TRPM6: variants seen among roughly 807,000 people sequenced by gnomAD.
TRPM6 encodes the protein channel kinase 2.
Under a neutral mutation model 247.6 loss-of-function variants are expected in TRPM6, and 111 were observed. The observed-to-expected ratio is 0.45, with a 90% confidence interval of 0.38 to 0.52. The LOEUF (loss-of-function observed/expected upper bound fraction) is 0.52. Ranked by LOEUF, TRPM6 falls within the 20% of genes least tolerant of loss-of-function variation. TRPM6 has a pLI of 0.00. For synonymous variants in TRPM6, 892 were observed against 853.8 expected (o/e 1.04, Z -0.78); for missense variants, 2,126 against 2,421.5 (o/e 0.88, Z 2.56).
intron 7 of TRPM6, among the ~76,000 whole-genome samples, chr9:74,823,184 G>A (rs972413448): frequency 2.0e-5 from 3 of 152,124 alleles, no homozygotes; most frequent in African/African-American, 4.8e-5. Context: ...TTTCAGGGGC[G>A]CACACTGGCC....
chr9:74,822,276 G>A (rs192452812), intron 7 of TRPM6, among the ~76,000 whole-genome samples: 30 of 152,222 alleles, frequency 2.0e-4, no homozygotes, highest in Admixed American at 1.9e-3. Flanking sequence ...ATAAGACAAG[G>A]TCTCACTCTG....
At chr9:74,789,788 C>T (rs1039161319) in intron 19 of TRPM6, among the ~76,000 whole-genome samples, 1 of 151,802 alleles carries the variant, frequency 6.6e-6, no homozygotes, top group Non-Finnish European at 1.5e-5. Flanking sequence ...GGTGAAACCC[C>T]GTCTCTACTA....
chr9:74,880,953 T>C (rs1831342072), intron 1 of TRPM6, among the ~76,000 whole-genome samples: 1 of 152,130 alleles, frequency 6.6e-6, no homozygotes, highest in African/African-American at 2.4e-5. Flanking sequence ...CTAAATGGAT[T>C]AAATTTTCTA....
At chr9:74,881,852 A>G (rs1287652609) in intron 1 of TRPM6, among the ~76,000 whole-genome samples, 6 of 152,212 alleles carry the variant, frequency 3.9e-5, no homozygotes, top group Non-Finnish European at 8.8e-5. Context: ...GTATAAAAAG[A>G]CACATAGACC....
intron 16 of TRPM6, 118 bp from the exon 17 acceptor site, chr9:74,800,600 C>T: frequency 1.5e-6 from 1 of 686,988 alleles, no homozygotes; most frequent in South Asian, 1.5e-5. Context: ...CAGAAAATAT[C>T]AATTCATAAG....
intron 20 of TRPM6, among the ~76,000 whole-genome samples, chr9:74,787,876 C>T (rs138818718): frequency 0.012 from 1,803 of 152,096 alleles, 31 homozygotes; most frequent in African/African-American, 0.04. Context: ...CCACCATGCC[C>T]GGCTAATTTT....
At chr9:74,801,791 G>T in intron 16 of TRPM6, 107 bp downstream of exon 16, 1 of 1,378,154 alleles carries the variant, frequency 7.3e-7, no homozygotes. Context: ...TAAAATGCAT[G>T]GCGGTAAGTC....
chr9:74,731,597 T>G (rs1024966563), intron 37 of TRPM6, among the ~76,000 whole-genome samples: 3 of 151,474 alleles, frequency 2.0e-5, no homozygotes, highest in Non-Finnish European at 2.9e-5. Context: ...AATCACTCAG[T>G]AAAATAACAC....
intron 36 of TRPM6, chr9:74,737,275 A>G (rs1223320497): frequency 5.1e-6 from 4 of 779,478 alleles, no homozygotes; most frequent in Non-Finnish European, 7.1e-6. Flanking sequence ...TAAAAAATGC[A>G]CTTATATGTA....
At chr9:74,828,371 A>G (rs953366980) in intron 6 of TRPM6, among the ~76,000 whole-genome samples, 1 of 152,084 alleles carries the variant, frequency 6.6e-6, no homozygotes, top group Admixed American at 6.6e-5. Context: ...AAAAAAAAGT[A>G]TTACTTGCAA....
chr9:74,855,105 C>A (rs73536118), intron 3 of TRPM6, among the ~76,000 whole-genome samples: 4,607 of 152,304 alleles, frequency 0.03, 249 homozygotes, highest in African/African-American at 0.11. Context: ...AAAACGGTCA[C>A]ATAGTTTAAA....
Position 74,869,996 on chromosome 9 carries a change from A to T in TRPM6, c.34-11248T>A, listed in dbSNP as rs115055756. ...TTTAGCTCTGGAGGTTGCCAACTTCAGCATTTATTTTTGCCCCTCTTACCC... is the reference window on the plus strand; with the variant it reads ...TTTAGCTCTGGAGGTTGCCAACTTCTGCATTTATTTTTGCCCCTCTTACCC... On this transcript the variant is annotated intron_variant, in intron 1 of 38. Transcript: ENST00000360774. Among the ~76,000 whole-genome samples the T allele has an allele frequency of 2.0e-5, 3 of 152,304 alleles. No homozygotes were observed. In the South Asian group the frequency reaches 6.2e-4, roughly 32 times the overall value.
intron 15 of TRPM6, among the ~76,000 whole-genome samples, chr9:74,802,522 C>T (rs141051780): frequency 1.4e-3 from 212 of 152,210 alleles, no homozygotes; most frequent in Admixed American, 3.5e-3. Flanking sequence ...TTCCATCTTC[C>T]TCAAAGTAAT....
rs1421847228 is a variant in TRPM6, at chr9:74,810,939, C to G, written c.1444-71G>C. The G allele has an allele frequency of 4.9e-6, 6 of 1,236,784 alleles. No homozygotes were observed. In the African/African-American group the frequency reaches 8.9e-5, roughly 18 times the overall value. The allele number at this position is 1,236,784 out of a possible 1,614,324, so 76.6% of individuals were successfully genotyped here. A position where few individuals can be genotyped will look rare whatever the true frequency, so the allele number is the denominator to read the frequency against. ...GTGCTGGGGGGTAAAACCTTTACTT[C>G]AGAATGCATAAGTAACTGAGAATAC... On this transcript the variant is annotated intron_variant, in intron 12 of 38. Transcript: ENST00000360774.
At chr9:74,771,101 C>T (rs1827017084) in intron 25 of TRPM6, among the ~76,000 whole-genome samples, 1 of 152,172 alleles carries the variant, frequency 6.6e-6, no homozygotes, top group Non-Finnish European at 1.5e-5. Context: ...CATGTGGCCT[C>T]AGGCGGCTGC....
chr9:74,878,221 A>T (rs1336679943), intron 1 of TRPM6, among the ~76,000 whole-genome samples: 1 of 151,932 alleles, frequency 6.6e-6, no homozygotes, highest in African/African-American at 2.4e-5. Flanking sequence ...CATCATTCAC[A>T]CCACACCCAC....
chr9:74,745,116 C>T (rs1388394825), intron 31 of TRPM6, among the ~76,000 whole-genome samples: 1 of 152,092 alleles, frequency 6.6e-6, no homozygotes, highest in Non-Finnish European at 1.5e-5. Flanking sequence ...AATCACAATA[C>T]AGTTAAAGTA....
At position 74,762,180 on chromosome 9, in the gene TRPM6, G is replaced by C. The variant is rs774418487; in HGVS notation, c.4491C>G (p.Ser1497Arg). The change falls in exon 26 of 39, where the codon AGC (serine) becomes AGG (arginine). Residue 1497 changes from serine to arginine, a missense_variant. By Grantham distance (110) the Ser-to-Arg change is moderately radical. Coordinates refer to ENST00000360774, the MANE Select transcript of TRPM6 (RefSeq NM_017662.5). The part of the protein sequence containing the change: ...SEQHQKQAQD[S>R]SLSDNSTRSA... ...ATCTTGTTGAGTTATCAGATAGGGA[G>C]CTGTCCTGGGCCTGCTTCTGGTGCT... 3.1e-6 allele frequency: 5 copies of C among 1,614,210 alleles called. No individual in the cohort carries two copies. The highest frequency in any genetic ancestry group is 4.2e-6 in the Non-Finnish European group (5 of 1,180,014).
chr9:74,775,345 G>A (rs190846815), intron 24 of TRPM6, among the ~76,000 whole-genome samples: 9 of 152,022 alleles, frequency 5.9e-5, no homozygotes, highest in East Asian at 3.9e-4. Context: ...ATGCACTACC[G>A]CACCCAGTTT....
Sources: allele counts gnomAD v4.1 joint callset (sites outside exome capture counted in the v4.1 genomes callset), GRCh38; gene constraint gnomAD v4.1.1; transcripts MANE v1.5; gene names NCBI Gene and HGNC (gene_info 2026-07-23, HGNC 2026-07-21).